Variants in SERPINB4 observed in about 807,000 individuals in gnomAD.
The protein encoded by SERPINB4 is serpin family B member 4, also known as serpin B4.
A neutral mutation model predicts 33.2 loss-of-function variants in SERPINB4; 39 were observed. That is an observed-to-expected ratio of 1.18 (90% confidence interval 0.91 to 1.53). The LOEUF is 1.53. Ranked by LOEUF, SERPINB4 falls within the 40% of genes most tolerant of loss-of-function variation. SERPINB4 has a pLI of 0.00. For missense variants in SERPINB4, 564 were observed against 455.4 expected (o/e 1.24, Z -2.17); for synonymous variants, 191 against 166.4 (o/e 1.15, Z -1.14).
At position 63,643,214 on chromosome 18, in the gene SERPINB4, G is replaced by A; in HGVS notation, c.169C>T (p.Leu57Phe). The A allele has an allele frequency of 1.9e-6, 3 of 1,613,408 alleles. No homozygotes were observed. Among genetic ancestry groups the A allele is most frequent in the South Asian group, 1.1e-5 (1 of 91,062 alleles). ...DNTAQQISKVLHFDQVTENTT... is the reference protein window; with the variant it reads ...DNTAQQISKVFHFDQVTENTT... ...TTCTCTGTGACTTGATCAAAGTGAA[G>A]AACCTGGAAGAGACATGAAGCGGGA... Residue 57 changes from leucine to phenylalanine, a missense_variant, in exon 3 of 8, where the codon CTT becomes TTT. Physicochemically the swap from Leu to Phe is conservative, Grantham distance 22. Transcript: ENST00000341074.
chr18:63,640,804 G>T, intron 5 of SERPINB4, 70 bp downstream of exon 5: 1 of 1,299,698 alleles, frequency 7.7e-7, no homozygotes, highest in Non-Finnish European at 1.1e-6. Context: ...GTTCCCCCAT[G>T]CAGTGTCAAG....
In SERPINB4 at chr18:63,641,024, G is replaced by A. The variant is rs149979278; in HGVS notation, c.352-33C>T. The stretch of plus-strand genomic sequence containing the variant: ...ATATGAAGGAAGAAGTAGGAATTAG[G>A]AGTAATTTATGTAACTATATATTAC... On this transcript the variant is annotated intron_variant, in intron 4 of 7. Coordinates refer to ENST00000341074, the MANE Select transcript of SERPINB4 (RefSeq NM_002974.4). 3.7e-5 allele frequency: 58 copies of A among 1,561,668 alleles called. No homozygotes were observed. The African/African-American group carries it at 7.1e-4, about 19-fold the overall frequency.
At chr18:63,639,420 T>A in intron 6 of SERPINB4, 80 bp from the exon 7 acceptor site, 6 of 1,340,546 alleles carry the variant, frequency 4.5e-6, no homozygotes, top group Non-Finnish European at 5.1e-6. Context: ...TAGCAACACA[T>A]CCTTCTTCTT....
rs755455413 is a variant in SERPINB4, at chr18:63,638,133, TG to T, written c.769-11del. On this transcript the variant is annotated splice_polypyrimidine_tract_variant and intron_variant, in intron 7 of 7. Transcript: ENST00000341074. The stretch of plus-strand genomic sequence containing the variant: ...TGAGTTTCTCTTCAAGCTATACAAA[TG>T]GAAAAAAGAAACTGATATGACTAAC... 9.3e-5 allele frequency: 150 copies of T among 1,606,414 alleles called. No homozygotes were observed. Among genetic ancestry groups the T allele is most frequent in the Admixed American group, 3.4e-4 (20 of 58,552 alleles).
chr18:63,643,446 T>G lies in SERPINB4; in HGVS notation c.132A>C (p.Gly44=). ...TTTGTTGTGCAGTGTTGTCTTTGGC[T>G]CCTAAGAGGACCATCCCTAATGCTG... ...ITSALGMVLL[G]AKDNTAQQIS... is the part of the protein sequence containing the mutation. The change falls in exon 2 of 8, where the codon GGA becomes GGC. Residue 44 remains glycine, a synonymous_variant. Coordinates refer to ENST00000341074, the MANE Select transcript of SERPINB4 (RefSeq NM_002974.4). 3.1e-6 allele frequency: 5 copies of G among 1,613,706 alleles called. No homozygotes were observed. The highest frequency in any genetic ancestry group is 4.2e-6 in the Non-Finnish European group (5 of 1,179,726).
chr18:63,638,621 C>T (rs1438518128), intron 7 of SERPINB4, among the ~76,000 whole-genome samples: 1 of 151,836 alleles, frequency 6.6e-6, no homozygotes, highest in African/African-American at 2.4e-5. Flanking sequence ...ACTTTCCTCA[C>T]ATTGGTATAT....
chr18:63,639,447 G>T, intron 6 of SERPINB4, 107 bp from the exon 7 acceptor site: 1 of 1,202,414 alleles, frequency 8.3e-7, no homozygotes, highest in Non-Finnish European at 1.1e-6. Context: ...AATAACCCAG[G>T]AATTCCATGA....
chr18:63,638,259 A>T, intron 7 of SERPINB4, 136 bp from the exon 8 acceptor site: 1 of 977,886 alleles, frequency 1.0e-6, no homozygotes, highest in Non-Finnish European at 1.5e-6. Flanking sequence ...AATAGACATT[A>T]TTATTCTAAT....
intron 6 of SERPINB4, 61 bp from the exon 7 acceptor site, chr18:63,639,401 T>C: frequency 3.4e-6 from 5 of 1,476,332 alleles, no homozygotes; most frequent in Non-Finnish European, 4.6e-6. Flanking sequence ...AAAGATAATA[T>C]TATTGAGATA....
rs1202292730 is a variant in SERPINB4 at position 63,643,169 on chromosome 18, T to C, written c.214A>G (p.Thr72Ala). The C allele has an allele frequency of 4.3e-6, 7 of 1,613,268 alleles. No individual in the cohort carries two copies. Among genetic ancestry groups the C allele is most frequent in the Non-Finnish European group, 5.9e-6 (7 of 1,179,566 alleles). ...AGTGCTCTGTGACTCACATGATATGTTGCAGCTTTTTCTGTGGTGTTCTCT... is the reference window on the plus strand; with the variant it reads ...AGTGCTCTGTGACTCACATGATATGCTGCAGCTTTTTCTGTGGTGTTCTCT... ...VTENTTEKAA[T>A]YHVDRSGNVH... Residue 72 changes from threonine to alanine, a missense_variant, in exon 3 of 8, where the codon ACA becomes GCA. Transcript: ENST00000341074.
intron 3 of SERPINB4, among the ~76,000 whole-genome samples, chr18:63,642,260 A>G (rs560643505): frequency 6.6e-6 from 1 of 152,128 alleles, no homozygotes; most frequent in South Asian, 2.1e-4. Flanking sequence ...GGATACGAGT[A>G]TGTTGAAGGT....
At chr18:63,639,095 C>T (rs1913035898) in intron 7 of SERPINB4, 90 bp downstream of exon 7, 1 of 1,388,724 alleles carries the variant, frequency 7.2e-7, no homozygotes, top group Non-Finnish European at 9.5e-7. Flanking sequence ...TTTGAGGCAA[C>T]TCGGTCATAA....
intron 3 of SERPINB4, among the ~76,000 whole-genome samples, chr18:63,642,193 G>C (rs1568164781): frequency 1.3e-5 from 2 of 152,234 alleles, no homozygotes; most frequent in East Asian, 3.9e-4. Context: ...TAGCTTCCCA[G>C]TTAAACTCTC....
At chr18:63,643,389 C>T (rs1347309241) in intron 2 of SERPINB4, 24 bp downstream of exon 2, 13 of 1,613,240 alleles carry the variant, frequency 8.1e-6, no homozygotes, top group Non-Finnish European at 1.1e-5. Flanking sequence ...TGCAACAGGA[C>T]AACGTAATGA....
intron 7 of SERPINB4, 116 bp from the exon 8 acceptor site, chr18:63,638,239 G>T: frequency 8.4e-7 from 1 of 1,190,874 alleles, no homozygotes; most frequent in Non-Finnish European, 1.2e-6. Context: ...AAATACAGAA[G>T]GTTCACTTTA....
chr18:63,642,961 A>G (rs1264460005), intron 3 of SERPINB4, 200 bp downstream of exon 3: 16 of 631,886 alleles, frequency 2.5e-5, no homozygotes, highest in Admixed American at 1.5e-4. Context: ...TCTGAGGTAC[A>G]GTGCTGACTG....
intron 6 of SERPINB4, 108 bp from the exon 7 acceptor site, chr18:63,639,448 A>G: frequency 1.7e-6 from 2 of 1,199,764 alleles, no homozygotes; most frequent in Non-Finnish European, 2.3e-6. Flanking sequence ...ATAACCCAGG[A>G]ATTCCATGAG....
In SERPINB4 at chr18:63,637,979, C is replaced by T. The variant is rs769114971; in HGVS notation, c.913G>A (p.Val305Met). ...TCTGCATCCCCATTGAAGATATTCA[C>T]CATTCCCATGGTTCTCAACGTGTCC... is the stretch of plus-strand genomic sequence containing the variant. ...LKDTLRTMGM[V>M]NIFNGDADLS... The change falls in exon 8 of 8, where the codon GTG becomes ATG. Residue 305 changes from valine to methionine, a missense_variant. Coordinates refer to ENST00000341074, the MANE Select transcript of SERPINB4 (RefSeq NM_002974.4). The T allele has an allele frequency of 8.7e-6, 14 of 1,613,544 alleles. No homozygotes were observed. Among genetic ancestry groups the T allele is most frequent in the African/African-American group, 5.3e-5 (4 of 74,872 alleles).
At chr18:63,643,124 G>T in intron 3 of SERPINB4, 37 bp downstream of exon 3, 1 of 1,612,536 alleles carries the variant, frequency 6.2e-7, no homozygotes, top group East Asian at 2.2e-5. Context: ...GACCTGTTCA[G>T]GGATCTAAAG....
Sources: gnomAD v4.1 joint callset for allele counts (sites outside exome capture counted in the v4.1 genomes callset) on GRCh38, gnomAD v4.1.1 for gene constraint, MANE v1.5 for transcripts, NCBI Gene and HGNC (gene_info 2026-07-23, HGNC 2026-07-21) for gene names.